The following PATJ variants were observed in gnomAD, a reference collection of about 807,000 sequenced individuals.
The protein encoded by PATJ is inaD-like protein.
PATJ carries 190 observed loss-of-function variants against 224.9 expected under a neutral mutation model. The observed-to-expected ratio is 0.84, with a 90% CI of 0.75 to 0.95. The LOEUF (loss-of-function observed/expected upper bound fraction) is 0.95, where lower values mean the gene tolerates loss of function less well. Ranked by LOEUF, PATJ falls within the 40% of genes least tolerant of loss-of-function variation. The pLI is 0.00. For missense variants in PATJ, 2,121 were observed against 2,270.3 expected, an observed-to-expected ratio of 0.93 and a Z score of 1.34; for synonymous variants, 769 against 820.3, an observed-to-expected ratio of 0.94 and a Z score of 1.07.
chr1:62,075,289 G>A lies in PATJ; in HGVS notation c.4126-4161G>A, dbSNP rs114221515. On this transcript the variant is annotated intron_variant, in intron 31 of 43. Transcript: ENST00000642238. ...AAATGGAATGAGCTTCTTCATGGAA[G>A]TGGAATTTTCCATCCCTGAAGGTTT... 9.1e-3 allele frequency among the ~76,000 whole-genome samples: 1,383 copies of A among 152,248 alleles called. 21 individuals are homozygous for A. The highest frequency in any genetic ancestry group is 0.084 in the South Asian group (404 of 4,830).
chr1:62,037,825 A>G (rs1398558638), intron 29 of PATJ, 152 bp from the exon 30 acceptor site: 2 of 299,330 alleles, frequency 6.7e-6, no homozygotes, highest in East Asian at 5.9e-5. Flanking sequence ...CTTGGAAGCT[A>G]TATATATGGA....
At chr1:61,898,971 C>T (rs1482516580) in intron 22 of PATJ, among the ~76,000 whole-genome samples, 1 of 151,772 alleles carries the variant, frequency 6.6e-6, no homozygotes, top group African/African-American at 2.4e-5. Flanking sequence ...TTTGTAGAGA[C>T]AGGGTTTCAC....
At chr1:62,122,235 C>G (rs1383033606) in intron 38 of PATJ, among the ~76,000 whole-genome samples, 1 of 150,896 alleles carries the variant, frequency 6.6e-6, no homozygotes, top group Non-Finnish European at 1.5e-5. Context: ...CATGGTGGCA[C>G]ATGCCTATAA....
chr1:61,840,462 A>G (rs982594182), intron 17 of PATJ, among the ~76,000 whole-genome samples: 32 of 152,138 alleles, frequency 2.1e-4, no homozygotes, highest in African/African-American at 7.0e-4. Flanking sequence ...AACATTTTAT[A>G]TATACATGGT....
chr1:61,884,143 C>A (rs748581826), intron 21 of PATJ, 94 bp from the exon 22 acceptor site: 2 of 786,478 alleles, frequency 2.5e-6, no homozygotes, highest in African/African-American at 1.7e-5. Context: ...CTGGAAGAGT[C>A]CCCTCCCATA....
intron 38 of PATJ, 77 bp downstream of exon 38, chr1:62,121,372 A>T (rs1184559264): frequency 1.1e-6 from 1 of 870,506 alleles, no homozygotes; most frequent in Non-Finnish European, 1.8e-6. Flanking sequence ...TTTAAAAACC[A>T]GTCTTCTTTA....
At chr1:61,812,433 A>AGAGAGAGTGTGT (rs1397549346) in intron 14 of PATJ, among the ~76,000 whole-genome samples, 11 of 85,150 alleles carry the variant, frequency 1.3e-4, no homozygotes, top group African/African-American at 4.0e-4. Context: ...AGAGAGAGAG[A>AGAGAGAGTGTGT]GTGTGTGTGT....
chr1:61,813,119 C>A (rs1310329246), intron 14 of PATJ, among the ~76,000 whole-genome samples: 1 of 151,660 alleles, frequency 6.6e-6, no homozygotes, highest in East Asian at 1.9e-4. Context: ...ACTTGTCTGT[C>A]CTCCCACATT....
chr1:61,759,590 A>G (rs1412148090), intron 1 of PATJ, among the ~76,000 whole-genome samples: 1 of 152,060 alleles, frequency 6.6e-6, no homozygotes, highest in African/African-American at 2.4e-5. Context: ...TTGTGTTTTT[A>G]GTACACAAGG....
At chr1:61,881,404 G>GT (rs1393409303) in intron 21 of PATJ, among the ~76,000 whole-genome samples, 53 of 99,532 alleles carry the variant, frequency 5.3e-4, no homozygotes, top group African/African-American at 1.9e-3. Flanking sequence ...AGTTAAAACA[G>GT]TTATTTTTTT....
chr1:62,150,679 G>GAAAAAAAAAAAAAAAAAAA, intron 42 of PATJ, among the ~76,000 whole-genome samples: 1 of 82,008 alleles, frequency 1.2e-5, no homozygotes. Context: ...CCTGTCTCAA[G>GAAAAAAAAAAAAAAAAAAA]AAAAAAAAAA....
chr1:61,846,021 T>C (rs1405218217), intron 17 of PATJ: 1 of 152,210 alleles, frequency 6.6e-6, no homozygotes, highest in African/African-American at 2.4e-5. Context: ...ATATGCTCAG[T>C]TGAATTTAGA....
intron 7 of PATJ, among the ~76,000 whole-genome samples, chr1:61,784,871 A>G (rs1480771823): frequency 6.6e-6 from 1 of 152,160 alleles, no homozygotes; most frequent in South Asian, 2.1e-4. Context: ...TTTCATAACA[A>G]TGTCCTCCTT....
At chr1:61,844,748 C>G (rs769332702) in intron 17 of PATJ, among the ~76,000 whole-genome samples, 13 of 152,078 alleles carry the variant, frequency 8.5e-5, no homozygotes, top group Non-Finnish European at 1.0e-4. Context: ...GTAATTGGAT[C>G]ATGGGGATGG....
intron 27 of PATJ, among the ~76,000 whole-genome samples, chr1:61,988,080 T>C (rs1392815472): frequency 6.6e-6 from 1 of 152,086 alleles, no homozygotes; most frequent in Non-Finnish European, 1.5e-5. Context: ...ACTCCTGTGA[T>C]CCCAGCTACT....
At chr1:61,755,198 A>G (rs1429779529) in intron 1 of PATJ, among the ~76,000 whole-genome samples, 3 of 151,084 alleles carry the variant, frequency 2.0e-5, no homozygotes, top group Admixed American at 2.0e-4. Context: ...AGTCCCAGCT[A>G]CTCGGGAGGC....
At position 61,983,957 on chromosome 1, in the gene PATJ, T is replaced by C. The variant is rs547163431; in HGVS notation, c.3671-6211T>C. 2.0e-5 allele frequency among the ~76,000 whole-genome samples: 3 copies of C among 151,666 alleles called. No homozygotes were observed. In the South Asian group the frequency reaches 6.2e-4, roughly 32 times the overall value. On this transcript the variant is annotated intron_variant, in intron 27 of 43. Transcript: ENST00000642238. ...ATCCCACCTCAGCCTCCCAAGTAGC[T>C]GGGACTACAGGTGTCCACCCTCATG... is the stretch of plus-strand genomic sequence containing the variant.
chr1:62,149,007 A>C (rs1668357510), intron 42 of PATJ, among the ~76,000 whole-genome samples: 1 of 151,928 alleles, frequency 6.6e-6, no homozygotes, highest in African/African-American at 2.4e-5. Flanking sequence ...GGGCACCTGT[A>C]ATCCCAGCTA....
intron 27 of PATJ, among the ~76,000 whole-genome samples, chr1:61,985,227 G>T (rs138566270): frequency 0.011 from 1,634 of 152,086 alleles, 18 homozygotes; most frequent in Middle Eastern, 0.041. Context: ...CAGGGGAATC[G>T]CTTGAACCCG....
Sources: allele counts gnomAD v4.1 joint callset (sites outside exome capture counted in the v4.1 genomes callset), GRCh38; gene constraint gnomAD v4.1.1; transcripts MANE v1.5; gene names NCBI Gene and HGNC (gene_info 2026-07-23, HGNC 2026-07-21).